PGM1: variants seen among roughly 807,000 people sequenced by gnomAD.
The protein encoded by PGM1 is phosphoglucomutase 1.
PGM1 carries 52 observed loss-of-function variants against 55.6 expected under a neutral mutation model. The ratio of observed to expected loss-of-function variants is 0.94; its 90% CI spans 0.75 to 1.18. The LOEUF is 1.18. PGM1 is among the 50% of genes most tolerant of loss of function. The pLI, the probability that PGM1 is intolerant of heterozygous loss-of-function variation, is 0.00. For synonymous variants in PGM1, 287 were observed against 271.7 expected (o/e 1.06, Z -0.55); for missense variants, 724 against 729.3 (o/e 0.99, Z 0.08).
At chr1:63,615,550 C>CTTTTTTTTTTTTTTTTTTTTTTTTTT (rs1161161385) in intron 1 of PGM1, among the ~76,000 whole-genome samples, 1 of 62,976 alleles carries the variant, frequency 1.6e-5, no homozygotes, top group African/African-American at 6.7e-5. Context: ...TCTTCTTCTT[C>CTTTTTTTTTTTTTTTTTTTTTTTTTT]TTTTTTTTTT....
chr1:63,593,530 C>G lies in PGM1; in HGVS notation c.42C>G (p.Asp14Glu). ...IVTVKTQAYQ[D>E]QKPGTSGLRK... ...CAGTTAAGACCCAGGCGTACCAGGA[C>G]CAGAAGCCGGGCACGAGCGGGCTGC... is the stretch of plus-strand genomic sequence containing the variant. Residue 14 changes from aspartate (D) to glutamate (E), a missense_variant, in exon 1 of 11, where the codon GAC becomes GAG. Coordinates refer to ENST00000371084, the MANE Select transcript of PGM1 (RefSeq NM_002633.3). 6.2e-7 allele frequency: 1 copy of G among 1,613,910 alleles called. No homozygotes were observed. Among genetic ancestry groups the G allele is most frequent in the Non-Finnish European group, 8.5e-7 (1 of 1,179,928 alleles).
chr1:63,607,378 G>A (rs1648450877), intron 1 of PGM1, among the ~76,000 whole-genome samples: 1 of 152,204 alleles, frequency 6.6e-6, no homozygotes, highest in Admixed American at 6.5e-5. Flanking sequence ...TTCGCAAGGA[G>A]CTGCCAGTTG....
chr1:63,653,305 A>G (rs2269234), intron 9 of PGM1, among the ~76,000 whole-genome samples: 38,686 of 152,086 alleles, frequency 0.25, 5,425 homozygotes, highest in Admixed American at 0.35. Context: ...GAAGCTGTGA[A>G]GAAAGGAGAC....
intron 10 of PGM1, among the ~76,000 whole-genome samples, chr1:63,655,256 A>G (rs1649932203): frequency 6.6e-6 from 1 of 151,576 alleles, no homozygotes; most frequent in African/African-American, 2.4e-5. Flanking sequence ...CTGGGATTAT[A>G]TGTGTGAGCC....
intron 1 of PGM1, among the ~76,000 whole-genome samples, chr1:63,621,543 A>G (rs571868207): frequency 5.0e-4 from 76 of 152,332 alleles, no homozygotes; most frequent in African/African-American, 1.8e-3. Flanking sequence ...AACCAGGGAA[A>G]ACTTGGCACA....
At chr1:63,638,612 G>A in intron 6 of PGM1, 73 bp from the exon 7 acceptor site, 1 of 912,938 alleles carries the variant, frequency 1.1e-6, no homozygotes, top group Non-Finnish European at 1.9e-6. Context: ...AATAACGATT[G>A]CCCTTTTCCG....
intron 6 of PGM1, 100 bp from the exon 7 acceptor site, chr1:63,638,585 A>G (rs1289128237): frequency 2.4e-6 from 2 of 822,400 alleles, no homozygotes; most frequent in South Asian, 1.3e-5. Flanking sequence ...GCAATGCTAA[A>G]TGGGACCCTT....
At chr1:63,623,623 G>C (rs1279926648) in intron 1 of PGM1, 1 of 1,612,636 alleles carries the variant, frequency 6.2e-7, no homozygotes, top group East Asian at 2.2e-5. Context: ...ATGCTATCTG[G>C]AGAATTTCAT....
At chr1:63,617,534 CTGT>C (rs1185039903) in intron 1 of PGM1, among the ~76,000 whole-genome samples, 1 of 151,922 alleles carries the variant, frequency 6.6e-6, no homozygotes, top group Non-Finnish European at 1.5e-5. Context: ...CAGTGAAACC[CTGT>C]CTCTATTAAA....
chr1:63,642,637 G>A (rs1231756858), intron 7 of PGM1, among the ~76,000 whole-genome samples: 2 of 152,156 alleles, frequency 1.3e-5, no homozygotes, highest in East Asian at 1.9e-4. Flanking sequence ...GGGAAAGAGC[G>A]ATGGGAAACC....
chr1:63,600,447 T>C (rs1648210194), intron 1 of PGM1, among the ~76,000 whole-genome samples: 1 of 152,074 alleles, frequency 6.6e-6, no homozygotes, highest in Non-Finnish European at 1.5e-5. Context: ...AAATATTTAT[T>C]GAGCACCTAT....
intron 1 of PGM1, among the ~76,000 whole-genome samples, chr1:63,612,553 G>T (rs855300): frequency 6.6e-6 from 1 of 151,980 alleles, no homozygotes; most frequent in African/African-American, 2.4e-5. Context: ...TCTTTTTCTC[G>T]CTTGCATTCA....
chr1:63,612,614 G>A (rs1319157231), intron 1 of PGM1, among the ~76,000 whole-genome samples: 2 of 152,024 alleles, frequency 1.3e-5, no homozygotes, highest in Admixed American at 6.6e-5. Context: ...GTTGAGTAGC[G>A]CCATGAAGAC....
chr1:63,602,367 T>C (rs924252194), intron 1 of PGM1, among the ~76,000 whole-genome samples: 20 of 152,248 alleles, frequency 1.3e-4, no homozygotes, highest in African/African-American at 4.6e-4. Flanking sequence ...AAGTTTCTTC[T>C]TTTTAAACTG....
chr1:63,642,995 A>G (rs1327822083), intron 7 of PGM1, among the ~76,000 whole-genome samples: 5 of 152,158 alleles, frequency 3.3e-5, no homozygotes, highest in African/African-American at 1.2e-4. Flanking sequence ...AAAGCAATAG[A>G]AGGTGAAGTA....
At chr1:63,658,199 T>TG (rs1277216546) in intron 10 of PGM1, among the ~76,000 whole-genome samples, 5 of 152,152 alleles carry the variant, frequency 3.3e-5, no homozygotes, top group African/African-American at 1.2e-4. Context: ...AATGGATCGG[T>TG]GGAGATTTAG....
At chr1:63,656,233 C>T (rs1291343934) in intron 10 of PGM1, among the ~76,000 whole-genome samples, 1 of 152,166 alleles carries the variant, frequency 6.6e-6, no homozygotes, top group Non-Finnish European at 1.5e-5. Flanking sequence ...AATGAGCTGT[C>T]ACCTCACACC....
At chr1:63,638,088 A>G (rs1649409212) in intron 6 of PGM1, among the ~76,000 whole-genome samples, 1 of 152,214 alleles carries the variant, frequency 6.6e-6, no homozygotes, top group Non-Finnish European at 1.5e-5. Context: ...AGGGAAGGGG[A>G]ACCACTAATC....
chr1:63,635,050 G>A (rs536943601), intron 5 of PGM1, 31 bp downstream of exon 5: 1 of 1,586,806 alleles, frequency 6.3e-7, no homozygotes, highest in South Asian at 1.1e-5. Flanking sequence ...GTGAACTCTG[G>A]TGCAGGCCAG....
Sources: gnomAD v4.1 joint callset for allele counts (sites outside exome capture counted in the v4.1 genomes callset) on GRCh38, gnomAD v4.1.1 for gene constraint, MANE v1.5 for transcripts, NCBI Gene and HGNC (gene_info 2026-07-23, HGNC 2026-07-21) for gene names.